Variants in SLC16A1 observed in about 807,000 individuals in gnomAD.
SLC16A1 encodes the protein monocarboxylate transporter 1.
In SLC16A1, 11 loss-of-function variants were observed where a neutral mutation model predicts 32.2. The observed-to-expected ratio is 0.34, with a 90% confidence interval of 0.21 to 0.56. SLC16A1 has a LOEUF of 0.56. SLC16A1 is among the 20% of genes least tolerant of loss of function. The pLI, the probability that SLC16A1 is intolerant of heterozygous loss-of-function variation, is 0.87. For missense variants in SLC16A1, 435 were observed against 615.0 expected, an observed-to-expected ratio of 0.71 and a Z score of 3.10; for synonymous variants, 231 against 226.8, an observed-to-expected ratio of 1.02 and a Z score of -0.17.
chr1:112,920,504 G>T (rs1299032286), intron 3 of SLC16A1, among the ~76,000 whole-genome samples: 1 of 152,192 alleles, frequency 6.6e-6, no homozygotes, highest in Non-Finnish European at 1.5e-5. Context: ...TACTTGGGAG[G>T]CTGCGGCAGG....
intron 1 of SLC16A1, among the ~76,000 whole-genome samples, chr1:112,939,168 G>A (rs1277044047): frequency 6.6e-6 from 1 of 152,100 alleles, no homozygotes; most frequent in Non-Finnish European, 1.5e-5. Flanking sequence ...TGGGATTACA[G>A]GCGTGAGCCA....
intron 2 of SLC16A1, chr1:112,922,446 A>T: frequency 2.6e-6 from 1 of 391,992 alleles, no homozygotes; most frequent in Non-Finnish European, 4.8e-6. Flanking sequence ...GATGTTCACA[A>T]GGTTCTTGAT....
Position 112,917,343 on chromosome 1 carries a change from C to T in SLC16A1, c.1063G>A (p.Gly355Arg), listed in dbSNP as rs140728650. The T allele has an allele frequency of 5.6e-5, 90 of 1,614,146 alleles. No individual in the cohort carries two copies. The African/African-American group carries it at 1.1e-3, about 19-fold the overall frequency. ...AAGAATCCCGCATAGACACAGAATC[C>T]AACATAGGTAGTGGATAAAGGTGCT... ...MLAPLSTTYV[G>R]FCVYAGFFGF... The change falls in exon 4 of 5, where the codon GGA (glycine) becomes AGA (arginine). Residue 355 changes from glycine to arginine, a missense_variant. Gly to Arg is a moderately radical substitution (Grantham distance 125). This residue lies in a region of SLC16A1 where 324 missense variants were observed against 500.3 expected (regional missense o/e 0.65). Coordinates refer to ENST00000369626, the MANE Select transcript of SLC16A1 (RefSeq NM_003051.4). This position sits in a 1 kb window ranked among gnomAD's most constrained non-coding sequence, Gnocchi z 4.1.
intron 2 of SLC16A1, among the ~76,000 whole-genome samples, chr1:112,925,465 G>C (rs543396961): frequency 6.6e-6 from 1 of 151,610 alleles, no homozygotes; most frequent in African/African-American, 2.4e-5. Flanking sequence ...CTGCAGCCTC[G>C]ACCTCCTGGG....
chr1:112,918,648 C>T (rs770130663), intron 3 of SLC16A1, among the ~76,000 whole-genome samples: 3 of 152,008 alleles, frequency 2.0e-5, no homozygotes, highest in Non-Finnish European at 4.4e-5. Flanking sequence ...AAAAGTAATT[C>T]GAAAATTAGT....
At position 112,912,334 on chromosome 1, in the gene SLC16A1, T is replaced by C. The variant is rs1416379636; in HGVS notation, c.*1557A>G. 1 of 152,166 alleles carries C rather than the reference T, an allele frequency of 6.6e-6. No individual in the cohort carries two copies. Among genetic ancestry groups the C allele is most frequent in the East Asian group, 1.9e-4 (1 of 5,202 alleles). The allele number at this position is 152,166 out of a possible 1,614,324, so 9.4% of individuals were successfully genotyped here. Reference sequence around the variant, plus strand: ...CACAGCAATATTTTCCTCAAGAAAATAGACATTTGGGAGAAGAAATGTTTT... The same window carrying C: ...CACAGCAATATTTTCCTCAAGAAAACAGACATTTGGGAGAAGAAATGTTTT... On this transcript the variant is annotated 3_prime_UTR_variant, in exon 5 of 5. Transcript: ENST00000369626.
chr1:112,916,714 G>C (rs1297949056), intron 4 of SLC16A1, among the ~76,000 whole-genome samples: 2 of 152,010 alleles, frequency 1.3e-5, no homozygotes, highest in African/African-American at 4.8e-5. Context: ...TGGATCGTTT[G>C]AGGTCAGGAG....
chr1:112,945,308 G>T (rs183128534), intron 1 of SLC16A1, among the ~76,000 whole-genome samples: 81 of 151,824 alleles, frequency 5.3e-4, no homozygotes, highest in Admixed American at 3.1e-3. Flanking sequence ...AACATTTTTT[G>T]ATGTGTCTAG....
At chr1:112,919,197 A>T (rs1465172097) in intron 3 of SLC16A1, among the ~76,000 whole-genome samples, 2 of 145,832 alleles carry the variant, frequency 1.4e-5, no homozygotes, top group Non-Finnish European at 3.0e-5. Context: ...TGCCCGGCTC[A>T]TTTTTTTTTT....
chr1:112,923,878 A>C, intron 2 of SLC16A1: 1 of 1,518,364 alleles, frequency 6.6e-7, no homozygotes, highest in Non-Finnish European at 9.1e-7. Flanking sequence ...GCCACCACCC[A>C]GCAGGTGAAA....
intron 1 of SLC16A1, among the ~76,000 whole-genome samples, chr1:112,948,723 G>A (rs146700447): frequency 0.016 from 2,494 of 152,224 alleles, 31 homozygotes; most frequent in Non-Finnish European, 0.026. Flanking sequence ...GGCTGGTCTC[G>A]AACTCCTGAC....
chr1:112,925,148 T>C (rs949310622), intron 2 of SLC16A1, among the ~76,000 whole-genome samples: 2 of 152,128 alleles, frequency 1.3e-5, no homozygotes, highest in African/African-American at 4.8e-5. Flanking sequence ...TGAAAAGCAT[T>C]ATAAGAAACA....
At chr1:112,920,287 A>G (rs1341954464) in intron 3 of SLC16A1, among the ~76,000 whole-genome samples, 1 of 152,116 alleles carries the variant, frequency 6.6e-6, no homozygotes, top group African/African-American at 2.4e-5. Context: ...AGCCTGGCCA[A>G]CATGGTGAAA....
At chr1:112,942,056 C>T (rs1428773714) in intron 1 of SLC16A1, among the ~76,000 whole-genome samples, 3 of 152,104 alleles carry the variant, frequency 2.0e-5, no homozygotes, top group Non-Finnish European at 4.4e-5. Flanking sequence ...ACTGCAACCT[C>T]CACCTTCTGG....
intron 1 of SLC16A1, among the ~76,000 whole-genome samples, chr1:112,944,704 C>CT (rs1012984333): frequency 6.6e-6 from 1 of 151,658 alleles, no homozygotes; most frequent in Non-Finnish European, 1.5e-5. Context: ...CAGAAACTTC[C>CT]TTTTTTTTGA....
chr1:112,941,164 G>A (rs945519289), intron 1 of SLC16A1, among the ~76,000 whole-genome samples: 1 of 151,562 alleles, frequency 6.6e-6, no homozygotes, highest in Non-Finnish European at 1.5e-5. Flanking sequence ...TAAAAAACCT[G>A]CACATGTACC....
At chr1:112,942,927 T>C (rs73000312) in intron 1 of SLC16A1, among the ~76,000 whole-genome samples, 8 of 152,296 alleles carry the variant, frequency 5.3e-5, no homozygotes, top group African/African-American at 1.9e-4. Context: ...TTAAAGGTAA[T>C]GAACATAGAT....
chr1:112,930,801 TACA>T (rs1345300056), intron 1 of SLC16A1, among the ~76,000 whole-genome samples: 1 of 150,328 alleles, frequency 6.7e-6, no homozygotes, highest in African/African-American at 2.5e-5. Context: ...CTTGGCTCAC[TACA>T]ACCTCTGCCT....
chr1:112,943,425 T>C (rs1649579852), intron 1 of SLC16A1, among the ~76,000 whole-genome samples: 2 of 152,316 alleles, frequency 1.3e-5, no homozygotes, highest in South Asian at 4.1e-4. Context: ...TATTTTAGGA[T>C]AATAGCCAAA....
Sources: allele counts gnomAD v4.1 joint callset (sites outside exome capture counted in the v4.1 genomes callset), GRCh38; gene constraint gnomAD v4.1.1; regional missense constraint gnomAD v4.1.1; non-coding constraint Gnocchi (gnomAD v3.1); transcripts MANE v1.5; gene names NCBI Gene and HGNC (gene_info 2026-07-23, HGNC 2026-07-21).